Variants in PARP10 observed in about 807,000 individuals in gnomAD.
PARP10 encodes the protein poly(ADP-ribose) polymerase family member 10, also known as protein mono-ADP-ribosyltransferase PARP10.
A neutral mutation model predicts 82.4 loss-of-function variants in PARP10; 56 were observed. The observed-to-expected ratio is 0.68, with a 90% confidence interval of 0.55 to 0.85. PARP10 has a LOEUF of 0.85. PARP10 is among the 40% of genes least tolerant of loss of function. The pLI is 0.00. For missense variants in PARP10, 1,227 were observed against 1,379.4 expected (o/e 0.89, Z 1.75); for synonymous variants, 576 against 601.1 (o/e 0.96, Z 0.61).
intron 9 of PARP10, among the ~76,000 whole-genome samples, chr8:143,982,722 A>G (rs1193743860): frequency 3.3e-5 from 5 of 152,196 alleles, no homozygotes; most frequent in African/African-American, 7.2e-5. Flanking sequence ...ACTCAGGCCT[A>G]TCAGATCCCA....
Position 143,984,337 on chromosome 8 carries a change from G to A in PARP10, c.1553C>T (p.Pro518Leu), listed in dbSNP as rs782247070. ...GCCCAGGAGAAACCTGGCGCTGCCC[G>A]GGTGCTCCAGGCACAACACATGGCA... ...ISCHVLCLEH[P>L]GSARFLLGPE... is the part of the protein sequence containing the mutation. Residue 518 changes from proline to leucine, a missense_variant, in exon 6 of 11, where the codon CCG (proline) becomes CTG (leucine). Coordinates refer to ENST00000313028, the MANE Select transcript of PARP10 (RefSeq NM_032789.5). The A allele has an allele frequency of 5.0e-6, 8 of 1,613,650 alleles. No individual in the cohort carries two copies. Among genetic ancestry groups the A allele is most frequent in the Admixed American group, 1.7e-5 (1 of 60,000 alleles).
chr8:143,995,599 C>A (rs557346012), upstream of PARP10, among the ~76,000 whole-genome samples: 165 of 152,200 alleles, frequency 1.1e-3, no homozygotes, highest in African/African-American at 3.8e-3. Flanking sequence ...AGAAAGAAGA[C>A]CAGTCGCTGA....
At chr8:143,986,681 G>C, upstream of PARP10, 1 of 521,170 alleles carries the variant, frequency 1.9e-6, no homozygotes, top group Non-Finnish European at 3.5e-6. Flanking sequence ...AGACAGGAGT[G>C]TCCCCTGGTG....
At chr8:144,012,133 G>A (rs782250393) in intron 1 of PARP10, among the ~76,000 whole-genome samples, 2 of 152,216 alleles carry the variant, frequency 1.3e-5, no homozygotes, top group East Asian at 1.9e-4. Flanking sequence ...GAGCTAGCAC[G>A]GAACTGGAAC....
upstream of PARP10, among the ~76,000 whole-genome samples, chr8:143,988,160 T>A (rs1554749806): frequency 7.2e-6 from 1 of 139,252 alleles, no homozygotes; most frequent in African/African-American, 2.7e-5. Context: ...TTTTTTTTTT[T>A]TTTTTCTGAG....
At position 144,011,944 on chromosome 8, in the gene PARP10, A is replaced by T. The variant is rs1216334474; in HGVS notation, c.-80+586T>A. Among the ~76,000 whole-genome samples, 1 of 152,196 alleles carries T rather than the reference A, an allele frequency of 6.6e-6. No homozygotes were observed. The highest frequency in any genetic ancestry group is 1.5e-5 in the Non-Finnish European group (1 of 68,034). On this transcript the variant is annotated intron_variant, in intron 1 of 3. Coordinates refer to the PARP10 transcript ENST00000530478. The surrounding 1 kb of genome is among the most constrained non-coding windows in gnomAD (Gnocchi z 4.5). ...GAAGGCTGAGAGGCCAAACCCAGGC[A>T]TGTTCAAGATCACCAAGAAGGGGCA...
chr8:144,010,711 CA>C (rs1160649902), intron 1 of PARP10, among the ~76,000 whole-genome samples: 5 of 149,936 alleles, frequency 3.3e-5, no homozygotes, highest in Admixed American at 6.6e-5. Context: ...CCCATGTCTA[CA>C]AAAAAAAATG....
At chr8:144,012,645 C>CA in exon 1 of PARP10, 1 of 1,551,732 alleles carries the variant, frequency 6.4e-7, no homozygotes, top group Non-Finnish European at 8.7e-7. Flanking sequence ...GATCAAGACT[C>CA]AGGCAGGCGG....
At chr8:143,992,137 C>T, upstream of PARP10, 1 of 1,602,542 alleles carries the variant, frequency 6.2e-7, no homozygotes, top group Non-Finnish European at 8.5e-7. Flanking sequence ...CACACGCCCA[C>T]TCTTCCGGGC....
chr8:143,997,207 C>G (rs1834170367), intron 1 of PARP10, among the ~76,000 whole-genome samples: 1 of 152,174 alleles, frequency 6.6e-6, no homozygotes, highest in South Asian at 2.1e-4. Flanking sequence ...AAATACCACC[C>G]CCAACTTCTC....
At position 143,983,758 on chromosome 8, in the gene PARP10, C is replaced by T; in HGVS notation, c.1831G>A (p.Asp611Asn). The change falls in exon 8 of 11, where the codon GAC becomes AAC. Residue 611 changes from aspartate to asparagine, a missense_variant. Physicochemically the swap from Asp to Asn is conservative, Grantham distance 23 (BLOSUM62 1). Transcript: ENST00000313028. ...TLEGLDLDGE[D>N]WLPRELEEEG... ...TCCTCCAGCTCCCGAGGCAGCCAGT[C>T]CTCCCCGTCTAGGTCTAGGCCCTCC... 2 of 1,612,170 alleles carry T rather than the reference C, an allele frequency of 1.2e-6. No individual in the cohort carries two copies. The highest frequency in any genetic ancestry group is 2.2e-5 in the South Asian group (2 of 90,696).
At chr8:143,978,694 A>G (rs1219805495) in intron 9 of PARP10, among the ~76,000 whole-genome samples, 3 of 152,114 alleles carry the variant, frequency 2.0e-5, no homozygotes, top group Admixed American at 6.5e-5. Context: ...AGCGTTCTAG[A>G]TGGAGTTCAG....
At chr8:143,991,718 G>A (rs782748192), upstream of PARP10, 1 of 1,613,636 alleles carries the variant, frequency 6.2e-7, no homozygotes, top group Non-Finnish European at 8.5e-7. Flanking sequence ...CTACCAGGAG[G>A]AGGGTCCCCC....
At chr8:143,978,806 C>G (rs1012341381) in intron 9 of PARP10, among the ~76,000 whole-genome samples, 10 of 152,022 alleles carry the variant, frequency 6.6e-5, no homozygotes, top group African/African-American at 2.4e-5. Context: ...CTCCACCGGC[C>G]GGAGCTCCAG....
At chr8:143,981,250 C>T (rs1467027774) in intron 9 of PARP10, among the ~76,000 whole-genome samples, 12 of 151,960 alleles carry the variant, frequency 7.9e-5, no homozygotes, top group South Asian at 4.2e-4. Flanking sequence ...GTGAAGCTGA[C>T]GGTGACAGTG....
Position 143,986,219 on chromosome 8 carries a change from T to G in PARP10, c.17A>C (p.Glu6Ala). 1 of 1,613,948 alleles carries G rather than the reference T, an allele frequency of 6.2e-7. No homozygotes were observed. Among genetic ancestry groups the G allele is most frequent in the Admixed American group, 1.7e-5 (1 of 60,024 alleles). Reference sequence around the variant, plus strand: ...CTCCACTGCCACCCCTGCCTCTGCCTCCGCCATTGCAACCCTGGGACGGGG... The same window carrying G: ...CTCCACTGCCACCCCTGCCTCTGCCGCCGCCATTGCAACCCTGGGACGGGG... MVAMAEAEAGVAVEVR... is the reference protein window; with the variant it reads MVAMAAAEAGVAVEVR... Residue 6 changes from glutamate (E) to alanine (A), a missense_variant, in exon 2 of 11, where the codon GAG becomes GCG. Glu to Ala is a moderately radical substitution (Grantham distance 107). Coordinates refer to ENST00000313028, the MANE Select transcript of PARP10 (RefSeq NM_032789.5).
intron 9 of PARP10, among the ~76,000 whole-genome samples, chr8:143,978,974 T>G (rs1441422641): frequency 4.0e-5 from 6 of 151,678 alleles, no homozygotes; most frequent in Admixed American, 3.9e-4. Flanking sequence ...TGCAAGTTTT[T>G]TTTTTTTTTT....
upstream of PARP10, chr8:143,991,785 G>A (rs1409445192): frequency 1.1e-5 from 18 of 1,612,964 alleles, no homozygotes; most frequent in Non-Finnish European, 1.4e-5. Flanking sequence ...AAGAGCATCC[G>A]ACAGGCCTTC....
chr8:144,005,455 C>T (rs1254629991), intron 1 of PARP10, among the ~76,000 whole-genome samples: 13 of 152,136 alleles, frequency 8.5e-5, no homozygotes, highest in Non-Finnish European at 1.9e-4. Context: ...ATCCTGCAGC[C>T]CTAGGGCTTG....
Sources: gnomAD v4.1 joint callset for allele counts (sites outside exome capture counted in the v4.1 genomes callset) on GRCh38, gnomAD v4.1.1 for gene constraint, Gnocchi (gnomAD v3.1) non-coding constraint, MANE v1.5 for transcripts, NCBI Gene and HGNC (gene_info 2026-07-23, HGNC 2026-07-21) for gene names.